The following CCDC171 variants were observed in gnomAD, a reference collection of about 807,000 sequenced individuals.
CCDC171 encodes coiled-coil domain-containing protein 171.
Under a neutral mutation model 168.2 loss-of-function variants are expected in CCDC171, and 177 were observed. The observed-to-expected ratio is 1.05, with a 90% confidence interval of 0.93 to 1.19. CCDC171 has a LOEUF of 1.19. Among genes scored for constraint, CCDC171 ranks in the 50% most tolerant of loss-of-function variants. CCDC171 has a pLI of 0.00. For missense variants in CCDC171, 1,991 were observed against 1,539.0 expected (o/e 1.29, Z -4.91); for synonymous variants, 687 against 540.8 (o/e 1.27, Z -3.75).
chr9:15,647,286 A>G (rs189861940), intron 7 of CCDC171, among the ~76,000 whole-genome samples: 1 of 152,234 alleles, frequency 6.6e-6, no homozygotes, highest in Non-Finnish European at 1.5e-5. Flanking sequence ...CTAAATGCCC[A>G]CAAGAGAAAG....
At position 15,594,063 on chromosome 9, in the gene CCDC171, G is replaced by T; in HGVS notation, c.566G>T (p.Arg189Leu). The change falls in exon 6 of 26, where the codon CGG (arginine) becomes CTG (leucine). Residue 189 changes from arginine to leucine, a missense_variant. Transcript: ENST00000380701. ...TLQEALEKHQ[R>L]EKNEMESHIR... The stretch of plus-strand genomic sequence containing the variant: ...AAGGAAGCGTTGGAAAAACATCAAC[G>T]GGAGAAGAATGAGATGGAGTCTCAT... The T allele has an allele frequency of 6.3e-7, 1 of 1,591,176 alleles. No individual in the cohort carries two copies.
Position 15,963,297 on chromosome 9 carries a change from G to T in CCDC171, c.3754-8312G>T, listed in dbSNP as rs141515098. Among the ~76,000 whole-genome samples, 5 of 151,806 alleles carry T rather than the reference G, an allele frequency of 3.3e-5. No homozygotes were observed. The East Asian group carries it at 7.7e-4, about 23-fold the overall frequency. On this transcript the variant is annotated intron_variant, in intron 25 of 25. Transcript: ENST00000380701. ...GTATACATATGTAACAAACCTGCAC[G>T]TTGTGCATGTGTACCCTAAAACTTA... is the stretch of plus-strand genomic sequence containing the variant.
At chr9:16,019,417 G>T (rs551068391) in intron 3 of CCDC171, among the ~76,000 whole-genome samples, 74 of 152,320 alleles carry the variant, frequency 4.9e-4, no homozygotes, top group Non-Finnish European at 7.3e-4. Context: ...CCCTGTAGAT[G>T]AGATTTTAAA....
chr9:15,798,862 C>CT (rs2058682736), intron 21 of CCDC171, among the ~76,000 whole-genome samples: 1 of 151,762 alleles, frequency 6.6e-6, no homozygotes, highest in Non-Finnish European at 1.5e-5. Context: ...CTCTTTTTTA[C>CT]TTTTAGGGGC....
chr9:15,902,399 T>G (rs1821827062), intron 24 of CCDC171, among the ~76,000 whole-genome samples: 1 of 152,142 alleles, frequency 6.6e-6, no homozygotes, highest in African/African-American at 2.4e-5. Context: ...TAAAGAATAA[T>G]TGATTAATTC....
At chr9:15,584,165 C>T (rs974837917) in intron 4 of CCDC171, among the ~76,000 whole-genome samples, 1 of 152,222 alleles carries the variant, frequency 6.6e-6, no homozygotes, top group Non-Finnish European at 1.5e-5. Context: ...CCGTGCCCGG[C>T]ATGTTAAGGT....
intron 3 of CCDC171, among the ~76,000 whole-genome samples, chr9:15,984,438 G>GTA (rs765557276): frequency 6.7e-4 from 101 of 150,670 alleles, no homozygotes; most frequent in East Asian, 3.1e-3. Context: ...ATGTGTGTGT[G>GTA]TATATATATA....
At chr9:15,683,296 A>G (rs146537100) in intron 10 of CCDC171, among the ~76,000 whole-genome samples, 2 of 152,120 alleles carry the variant, frequency 1.3e-5, no homozygotes, top group Non-Finnish European at 2.9e-5. Flanking sequence ...CTAGCATTAA[A>G]TATGATTTTG....
At chr9:16,043,952 A>G (rs1833613773) in intron 1 of CCDC171, among the ~76,000 whole-genome samples, 1 of 152,182 alleles carries the variant, frequency 6.6e-6, no homozygotes, top group Non-Finnish European at 1.5e-5. Context: ...GCATAGGCAA[A>G]CCTAGCCAAG....
At chr9:16,036,480 TA>T (rs1833471276) in intron 8 of CCDC171, among the ~76,000 whole-genome samples, 1 of 152,258 alleles carries the variant, frequency 6.6e-6, no homozygotes, top group East Asian at 1.9e-4. Flanking sequence ...CCGTCTCTCC[TA>T]AAAATACAAA....
At chr9:15,671,199 A>ATTAC (rs2049083662) in intron 9 of CCDC171, among the ~76,000 whole-genome samples, 1 of 152,168 alleles carries the variant, frequency 6.6e-6, no homozygotes, top group African/African-American at 2.4e-5. Context: ...ATCACTTATT[A>ATTAC]AATTATTTGT....
the CCDC171 span, among the ~76,000 whole-genome samples, chr9:16,076,882 C>T: frequency 1.3e-5 from 2 of 152,164 alleles, no homozygotes; most frequent in Non-Finnish European, 2.9e-5. Context: ...GGACATTTCT[C>T]GTTCTTTTTC....
intron 1 of CCDC171, among the ~76,000 whole-genome samples, chr9:16,046,984 C>T (rs1032657092): frequency 3.3e-5 from 5 of 152,160 alleles, no homozygotes; most frequent in African/African-American, 9.7e-5. Flanking sequence ...CTCAAGTCCC[C>T]GTAGCTGGGT....
At chr9:15,678,657 A>G in intron 9 of CCDC171, 101 bp from the exon 10 acceptor site, 3 of 915,706 alleles carry the variant, frequency 3.3e-6, no homozygotes, top group Non-Finnish European at 3.2e-6. Context: ...TTTAGCATGA[A>G]CACATGATAT....
intron 6 of CCDC171, among the ~76,000 whole-genome samples, chr9:15,611,442 T>C (rs1254603494): frequency 6.6e-6 from 1 of 152,128 alleles, no homozygotes; most frequent in Non-Finnish European, 1.5e-5. Context: ...AGCCCTTGCA[T>C]TGAATTAGGG....
intron 24 of CCDC171, among the ~76,000 whole-genome samples, chr9:15,880,509 T>C (rs1236017366): frequency 6.7e-6 from 1 of 149,830 alleles, no homozygotes; most frequent in Non-Finnish European, 1.5e-5. Flanking sequence ...CAGGCTGGAG[T>C]GCAGTGACGT....
intron 2 of CCDC171, among the ~76,000 whole-genome samples, chr9:15,565,188 A>G (rs1268020150): frequency 6.6e-6 from 1 of 150,388 alleles, no homozygotes; most frequent in Non-Finnish European, 1.5e-5. Flanking sequence ...TCCCGAGTTC[A>G]AGTGATTCCC....
intron 9 of CCDC171, among the ~76,000 whole-genome samples, chr9:15,671,762 TG>T (rs1425605060): frequency 6.6e-6 from 1 of 152,206 alleles, no homozygotes; most frequent in African/African-American, 2.4e-5. Flanking sequence ...CTATCATTGA[TG>T]GACATTTGAG....
chr9:16,083,854 C>G, the CCDC171 span, among the ~76,000 whole-genome samples: 1 of 152,184 alleles, frequency 6.6e-6, no homozygotes, highest in East Asian at 1.9e-4. Flanking sequence ...TTCAAGAACT[C>G]GCTGAGTTAA....
Sources: gnomAD v4.1 joint callset for allele counts (sites outside exome capture counted in the v4.1 genomes callset) on GRCh38, gnomAD v4.1.1 for gene constraint, MANE v1.5 for transcripts, NCBI Gene and HGNC (gene_info 2026-07-23, HGNC 2026-07-21) for gene names.